CERS4: variants seen among roughly 807,000 people sequenced by gnomAD.
CERS4 encodes the protein LAG1 homolog, ceramide synthase 4.
In CERS4, 65 loss-of-function variants were observed where a neutral mutation model predicts 51.8. That is an observed-to-expected ratio of 1.26 (90% CI 1.03 to 1.54). CERS4 has a LOEUF of 1.54. Among genes scored for constraint, CERS4 ranks in the 40% most tolerant of loss-of-function variants. The pLI is 0.00. For synonymous variants in CERS4, 228 were observed against 208.4 expected (o/e 1.09, Z -0.81); for missense variants, 563 against 500.4 (o/e 1.13, Z -1.19).
intron 2 of CERS4, among the ~76,000 whole-genome samples, chr19:8,236,774 G>T (rs1968279468): frequency 6.6e-6 from 1 of 151,510 alleles, no homozygotes; most frequent in African/African-American, 2.4e-5. Flanking sequence ...GGCTAAGGCA[G>T]ATGGATCACT....
At chr19:8,255,995 AGAGC>A in intron 6 of CERS4, 116 bp downstream of exon 6, 2 of 1,208,530 alleles carry the variant, frequency 1.7e-6, no homozygotes, top group Non-Finnish European at 2.4e-6. Context: ...AGCTGAGGAG[AGAGC>A]GAGCTTTGCA....
chr19:8,249,189 GGATGGGTGGATGGAC>G (rs768838064), intron 2 of CERS4, among the ~76,000 whole-genome samples: 17 of 138,692 alleles, frequency 1.2e-4, no homozygotes, highest in South Asian at 2.2e-4. Context: ...ACAGATGTTT[GGATGGGTGGATGGAC>G]GATGGGTGGA....
chr19:8,231,580 G>A (rs1222305069), intron 2 of CERS4, among the ~76,000 whole-genome samples: 1 of 151,740 alleles, frequency 6.6e-6, no homozygotes, highest in African/African-American at 2.4e-5. Flanking sequence ...ATGGAGTCTT[G>A]CTCTGTCGCC....
intron 2 of CERS4, among the ~76,000 whole-genome samples, chr19:8,217,115 T>C (rs77868586): frequency 0.052 from 7,853 of 152,032 alleles, 268 homozygotes; most frequent in East Asian, 0.16. Flanking sequence ...CTCCTAGAAT[T>C]TTCCAGAAAT....
intron 2 of CERS4, among the ~76,000 whole-genome samples, chr19:8,232,606 A>G (rs997974517): frequency 5.3e-5 from 8 of 152,066 alleles, no homozygotes; most frequent in African/African-American, 9.7e-5. Flanking sequence ...ATTTTCTACA[A>G]TGATGGAAAT....
rs769014016 is a variant in CERS4 at position 8,255,846 on chromosome 19, C to G, written c.435C>G (p.Ser145=). The part of the protein sequence containing the change: ...EASWRFLFYL[S]SFVGGLSVLY... ...GCTGGAGGTTTCTCTTCTACCTGTC[C>G]TCCTTCGTGGGCGGCCTCTCGGTCC... Residue 145 remains serine, a synonymous_variant, in exon 6 of 12, where the codon TCC becomes TCG. Transcript: ENST00000251363. The G allele has an allele frequency of 1.2e-6, 2 of 1,613,964 alleles. No homozygotes were observed. The highest frequency in any genetic ancestry group is 1.7e-6 in the Non-Finnish European group (2 of 1,180,026).
chr19:8,254,301 T>G (rs1233168010), intron 3 of CERS4, among the ~76,000 whole-genome samples, 198 bp from the exon 4 acceptor site: 2 of 108,074 alleles, frequency 1.9e-5, no homozygotes, highest in Admixed American at 1.4e-4. Context: ...CCAGCCTGGG[T>G]GACAGTGCAA....
chr19:8,257,942 T>TCC lies in CERS4; in HGVS notation c.806_807dup (p.Phe270ProfsTer41), dbSNP rs766513894. On this transcript the variant is annotated frameshift_variant, in exon 10 of 12. Transcript: ENST00000251363. LOFTEE classifies it high-confidence loss of function. Reference sequence around the variant, plus strand: ...GTGCGACGCTCTCTTCCTCATCTTCTCCTTTGTCTTCTTCTACACCCGACT... The same window carrying TCC: ...GTGCGACGCTCTCTTCCTCATCTTCTCCCCTTTGTCTTCTTCTACACCCGACT... 229 of 1,613,762 alleles carry TCC rather than the reference T, an allele frequency of 1.4e-4. 2 individuals are homozygous for TCC. Among genetic ancestry groups the TCC allele is most frequent in the Admixed American group, 2.5e-4 (15 of 59,984 alleles).
rs138518847 is a variant in CERS4, at chr19:8,227,771, G to A, written c.-2+16909G>A. ...ATTCCACTTACATGAGGCCCCTAGC[G>A]TCACCAGATTCACACAGAGAGAAAG... is the stretch of plus-strand genomic sequence containing the variant. On this transcript the variant is annotated intron_variant, in intron 2 of 11. Coordinates refer to ENST00000251363, the MANE Select transcript of CERS4 (RefSeq NM_024552.3). Among the ~76,000 whole-genome samples the A allele has an allele frequency of 7.9e-5, 12 of 152,208 alleles. No homozygotes were observed. The East Asian group carries it at 9.6e-4, about 12-fold the overall frequency.
intron 10 of CERS4, among the ~76,000 whole-genome samples, chr19:8,259,507 T>C (rs1418931801): frequency 6.6e-6 from 1 of 151,912 alleles, no homozygotes; most frequent in South Asian, 2.1e-4. Context: ...AGGGATTCAA[T>C]CTGACCTAGG....
chr19:8,224,472 A>C, intron 2 of CERS4, among the ~76,000 whole-genome samples: 1 of 151,190 alleles, frequency 6.6e-6, no homozygotes, highest in Non-Finnish European at 1.5e-5. Context: ...AGAACCCAGG[A>C]GGGGAGTGTC....
chr19:8,233,167 G>C (rs895853820), intron 2 of CERS4, among the ~76,000 whole-genome samples: 2 of 151,340 alleles, frequency 1.3e-5, no homozygotes, highest in African/African-American at 4.9e-5. Context: ...CACCACACTC[G>C]GCTAATTTTT....
At chr19:8,257,735 TCA>T (rs947414202) in intron 9 of CERS4, 142 bp from the exon 10 acceptor site, 2 of 644,008 alleles carry the variant, frequency 3.1e-6, no homozygotes, top group Non-Finnish European at 5.5e-6. Context: ...CAGCCTATAT[TCA>T]CACTCTTTAC....
rs1320949921 is a variant in CERS4, at chr19:8,253,702, T to A, written c.174-797T>A. On this transcript the variant is annotated intron_variant, in intron 3 of 11. Transcript: ENST00000251363. ...CACCTCCAGGTTCAAGCAATTCACCTGCCTCAACCTCCCGAGTAGCTGGGA... is the reference window on the plus strand; with the variant it reads ...CACCTCCAGGTTCAAGCAATTCACCAGCCTCAACCTCCCGAGTAGCTGGGA... 3.9e-5 allele frequency among the ~76,000 whole-genome samples: 6 copies of A among 152,054 alleles called. No individual in the cohort carries two copies. In the East Asian group the frequency reaches 1.2e-3, roughly 30 times the overall value.
intron 2 of CERS4, among the ~76,000 whole-genome samples, chr19:8,243,620 G>C (rs1402181107): frequency 6.7e-6 from 1 of 150,010 alleles, no homozygotes; most frequent in African/African-American, 2.5e-5. Flanking sequence ...ATGGTACTTA[G>C]CCTGCCCCTT....
rs35971828 is a variant in CERS4 at position 8,234,542 on chromosome 19, A to ATTTT, written c.-1-16509_-1-16506dup. Among the ~76,000 whole-genome samples the ATTTT allele has an allele frequency of 1.5e-3, 80 of 54,184 alleles. 8 individuals are homozygous for ATTTT. The East Asian group carries it at 0.027, about 18-fold the overall frequency. 35.5% of individuals were successfully genotyped at this position (54,184 alleles called of 152,430 possible). A position where few individuals can be genotyped will look rare whatever the true frequency, so the allele number is the denominator to read the frequency against. On this transcript the variant is annotated intron_variant, in intron 2 of 11. Transcript: ENST00000251363. ...CCCTTCCCCTGGCACCCACCATTCT[A>ATTTT]TTTTTTTTTTTTTTTTTTTTTTTTT...
At chr19:8,221,599 G>A (rs1967545628) in intron 2 of CERS4, among the ~76,000 whole-genome samples, 2 of 149,534 alleles carry the variant, frequency 1.3e-5, no homozygotes, top group South Asian at 2.1e-4. Context: ...ATGCTGGAGT[G>A]CAGTGGCACG....
chr19:8,210,869 T>A lies in CERS4; in HGVS notation c.-2+7T>A, dbSNP rs1334913469. ...TCACCCACTGCCAGCAGAGGTACTT[T>A]GAGCCTGGGGTGTGGGGGGTGGGGG... On this transcript the variant is annotated splice_region_variant and intron_variant, in intron 2 of 11. Transcript: ENST00000251363. This position sits in a 1 kb window ranked among gnomAD's most constrained non-coding sequence, Gnocchi z 4.2. 2 of 151,602 alleles carry A rather than the reference T, an allele frequency of 1.3e-5. No individual in the cohort carries two copies. The highest frequency in any genetic ancestry group is 4.8e-5 in the African/African-American group (2 of 41,320). The allele number at this position is 151,602 out of a possible 1,614,324, so 9.4% of individuals were successfully genotyped here. A position where few individuals can be genotyped will look rare whatever the true frequency, so the allele number is the denominator to read the frequency against.
chr19:8,228,271 G>C (rs925895382), intron 2 of CERS4, among the ~76,000 whole-genome samples: 22 of 152,176 alleles, frequency 1.4e-4, no homozygotes, highest in African/African-American at 5.3e-4. Context: ...TCTGGAGCTG[G>C]ATGGTGGTTA....
Sources: gnomAD v4.1 joint callset for allele counts (sites outside exome capture counted in the v4.1 genomes callset) on GRCh38, gnomAD v4.1.1 for gene constraint, Gnocchi (gnomAD v3.1) non-coding constraint, MANE v1.5 for transcripts, NCBI Gene and HGNC (gene_info 2026-07-23, HGNC 2026-07-21) for gene names.